The following EPHA5 variants were observed in gnomAD, a reference collection of about 807,000 sequenced individuals.
The protein encoded by EPHA5 is EPH receptor A5.
A neutral mutation model predicts 105.0 loss-of-function variants in EPHA5; 60 were observed. That is an observed-to-expected ratio of 0.57 (90% CI 0.46 to 0.71). The LOEUF (loss-of-function observed/expected upper bound fraction) is 0.71. Ranked by LOEUF, EPHA5 falls within the 30% of genes least tolerant of loss-of-function variation. The pLI is 0.00. For synonymous variants in EPHA5, 513 were observed against 449.1 expected (o/e 1.14, Z -1.80); for missense variants, 1,218 against 1,274.7 (o/e 0.96, Z 0.68).
At chr4:65,356,574 A>G (rs890176955) in intron 11 of EPHA5, among the ~76,000 whole-genome samples, 1 of 151,548 alleles carries the variant, frequency 6.6e-6, no homozygotes, top group African/African-American at 2.4e-5. Flanking sequence ...TTAATTATTT[A>G]TGACAGTGTA....
intron 11 of EPHA5, 120 bp from the exon 12 acceptor site, chr4:65,353,223 T>C (rs1488059858): frequency 5.1e-6 from 1 of 197,270 alleles, no homozygotes; most frequent in African/African-American, 2.5e-5. Context: ...ATATTTAAAA[T>C]ATTTAAATAA....
At chr4:65,623,843 T>C (rs1256952375) in intron 2 of EPHA5, among the ~76,000 whole-genome samples, 1 of 152,218 alleles carries the variant, frequency 6.6e-6, no homozygotes, top group African/African-American at 2.4e-5. Flanking sequence ...ACAGGATATG[T>C]GTCTCATTTA....
intron 3 of EPHA5, among the ~76,000 whole-genome samples, chr4:65,532,671 G>GTTT (rs5858965): frequency 9.3e-6 from 1 of 107,658 alleles, no homozygotes; most frequent in Non-Finnish European, 1.9e-5. Context: ...ATTGGTTACA[G>GTTT]TTTTTTTTTT....
intron 15 of EPHA5, among the ~76,000 whole-genome samples, chr4:65,332,675 C>A (rs1353768559): frequency 6.6e-6 from 1 of 151,658 alleles, no homozygotes; most frequent in Non-Finnish European, 1.5e-5. Context: ...GAGATCTCTG[C>A]ACCTTCCACT....
At chr4:65,561,598 T>C (rs768169284) in intron 3 of EPHA5, among the ~76,000 whole-genome samples, 1 of 152,026 alleles carries the variant, frequency 6.6e-6, no homozygotes, top group African/African-American at 2.4e-5. Flanking sequence ...CAGGATTGAG[T>C]AAAAGCAGAA....
At chr4:65,421,463 A>G (rs537510485) in intron 5 of EPHA5, among the ~76,000 whole-genome samples, 2 of 152,262 alleles carry the variant, frequency 1.3e-5, no homozygotes, top group Non-Finnish European at 2.9e-5. Flanking sequence ...GAAGTTTTGA[A>G]TATATTTTGT....
At chr4:65,377,104 C>A (rs2148920527) in intron 8 of EPHA5, 1 of 1,580,038 alleles carries the variant, frequency 6.3e-7, no homozygotes, top group Non-Finnish European at 8.6e-7. Context: ...GGAAGAGATC[C>A]CACTCCCTCA....
intron 8 of EPHA5, among the ~76,000 whole-genome samples, chr4:65,380,327 A>G (rs1210491390): frequency 1.3e-5 from 2 of 151,838 alleles, no homozygotes; most frequent in African/African-American, 4.8e-5. Context: ...AGATTAAAAT[A>G]TGATAGCATA....
intron 5 of EPHA5, among the ~76,000 whole-genome samples, chr4:65,457,168 G>A (rs554979968): frequency 6.6e-6 from 1 of 152,238 alleles, no homozygotes; most frequent in East Asian, 1.9e-4. Flanking sequence ...TGGGAGAAAA[G>A]GAACATTGAG....
intron 5 of EPHA5, among the ~76,000 whole-genome samples, chr4:65,428,433 TAAAG>T (rs1724659672): frequency 6.6e-6 from 1 of 152,090 alleles, no homozygotes. Context: ...TGTTCTGTAC[TAAAG>T]AAAGAAGGTA....
chr4:65,391,269 T>C (rs1175207824), intron 8 of EPHA5, among the ~76,000 whole-genome samples: 2 of 152,106 alleles, frequency 1.3e-5, no homozygotes, highest in Non-Finnish European at 2.9e-5. Flanking sequence ...AAATAGAATA[T>C]GCTTTTTATC....
At chr4:65,488,735 A>G (rs903799899) in intron 5 of EPHA5, among the ~76,000 whole-genome samples, 4 of 152,254 alleles carry the variant, frequency 2.6e-5, no homozygotes, top group East Asian at 1.9e-4. Flanking sequence ...AATGCCATAG[A>G]CAAATATTCA....
intron 14 of EPHA5, among the ~76,000 whole-genome samples, chr4:65,341,382 G>A (rs1246458257): frequency 6.6e-6 from 1 of 151,860 alleles, no homozygotes; most frequent in Non-Finnish European, 1.5e-5. Context: ...TCTTGGTGCT[G>A]AGTCACACCA....
chr4:65,593,692 AG>A (rs1425065567), intron 3 of EPHA5, among the ~76,000 whole-genome samples: 8 of 152,352 alleles, frequency 5.3e-5, no homozygotes, highest in African/African-American at 1.9e-4. Context: ...AGAGGAAGAA[AG>A]CAGGGCTCAA....
At chr4:65,516,545 T>G (rs1168903483) in intron 3 of EPHA5, among the ~76,000 whole-genome samples, 1 of 151,982 alleles carries the variant, frequency 6.6e-6, no homozygotes, top group Non-Finnish European at 1.5e-5. Flanking sequence ...CAACTCTGTG[T>G]GTGTGTGTGT....
At chr4:65,572,091 T>A (rs1016876205) in intron 3 of EPHA5, among the ~76,000 whole-genome samples, 1 of 152,078 alleles carries the variant, frequency 6.6e-6, no homozygotes, top group Non-Finnish European at 1.5e-5. Context: ...TTTTTCTCTA[T>A]TCTTTTTCTA....
At chr4:65,445,619 TTGC>T (rs1350220523) in intron 5 of EPHA5, among the ~76,000 whole-genome samples, 1 of 152,152 alleles carries the variant, frequency 6.6e-6, no homozygotes, top group African/African-American at 2.4e-5. Flanking sequence ...AAGAAATCGG[TTGC>T]TATCTAAAAT....
chr4:65,505,857 T>C (rs990251954), intron 3 of EPHA5, among the ~76,000 whole-genome samples: 1 of 152,162 alleles, frequency 6.6e-6, no homozygotes, highest in East Asian at 1.9e-4. Flanking sequence ...TTATTTATTT[T>C]CTTTTATTCT....
At chr4:65,507,608 T>G (rs1047994837) in intron 3 of EPHA5, among the ~76,000 whole-genome samples, 6 of 152,118 alleles carry the variant, frequency 3.9e-5, no homozygotes, top group Non-Finnish European at 7.4e-5. Context: ...GATTCCTAGG[T>G]ATTTTATTAT....
Sources: allele counts gnomAD v4.1 joint callset (sites outside exome capture counted in the v4.1 genomes callset), GRCh38; gene constraint gnomAD v4.1.1; transcripts MANE v1.5; gene names NCBI Gene and HGNC (gene_info 2026-07-23, HGNC 2026-07-21).